Variants in RNF212B observed in about 807,000 individuals in gnomAD.
RNF212B encodes the protein ring finger protein 212B.
RNF212B carries 52 observed loss-of-function variants against 55.5 expected under a neutral mutation model. The ratio of observed to expected loss-of-function variants is 0.94; its 90% CI spans 0.75 to 1.18. The LOEUF (loss-of-function observed/expected upper bound fraction) is 1.18, where lower values mean the gene tolerates loss of function less well. RNF212B is among the 50% of genes most tolerant of loss of function. The pLI is 0.00. For synonymous variants in RNF212B, 99 were observed against 121.4 expected (o/e 0.82, Z 1.21); for missense variants, 289 against 350.4 (o/e 0.82, Z 1.40).
intron 2 of RNF212B, among the ~76,000 whole-genome samples, chr14:23,194,150 T>G (rs1055008106): frequency 9.2e-5 from 14 of 152,024 alleles, no homozygotes; most frequent in African/African-American, 3.4e-4. Flanking sequence ...CCTCATATAC[T>G]ATCACTTAAA....
intron 2 of RNF212B, among the ~76,000 whole-genome samples, chr14:23,209,575 C>A (rs1880272178): frequency 6.6e-6 from 1 of 152,076 alleles, no homozygotes; most frequent in African/African-American, 2.4e-5. Flanking sequence ...GGAGTGGAAA[C>A]AAATCTTTAC....
rs1880859178 is a variant in RNF212B, at chr14:23,214,272, T to C, written c.-2+20871T>C. Among the ~76,000 whole-genome samples the C allele has an allele frequency of 3.3e-5, 5 of 152,108 alleles. No homozygotes were observed. In the South Asian group the frequency reaches 1.0e-3, roughly 31 times the overall value. On this transcript the variant is annotated intron_variant, in intron 2 of 15. Coordinates refer to the RNF212B transcript ENST00000399910. ...ATTTTGGGAGGCCAAGGCAGGTGGA[T>C]CATTTGAGGTCAGGAGTCTGAGACC... is the stretch of plus-strand genomic sequence containing the variant.
intron 4 of RNF212B, among the ~76,000 whole-genome samples, chr14:23,247,154 A>AT (rs1884046767): frequency 6.6e-6 from 1 of 150,722 alleles, no homozygotes; most frequent in Non-Finnish European, 1.5e-5. Context: ...AAAAAAAAAA[A>AT]TTGTTTTCAA....
chr14:23,218,882 C>T (rs936907028), intron 2 of RNF212B, among the ~76,000 whole-genome samples: 1 of 151,858 alleles, frequency 6.6e-6, no homozygotes, highest in African/African-American at 2.4e-5. Flanking sequence ...AGAAGAGTAC[C>T]TCCGGGCATT....
chr14:23,209,547 A>T (rs1880269488), intron 2 of RNF212B, among the ~76,000 whole-genome samples: 2 of 152,208 alleles, frequency 1.3e-5, no homozygotes, highest in Admixed American at 1.3e-4. Context: ...CAAATGATTG[A>T]CTAAAAGACT....
upstream of RNF212B, among the ~76,000 whole-genome samples, chr14:23,236,110 A>T (rs939212571): frequency 6.6e-6 from 1 of 152,240 alleles, no homozygotes; most frequent in Admixed American, 6.5e-5. Flanking sequence ...ATAGGACTCC[A>T]CCAGCTTTCT....
At chr14:23,269,457 G>C (rs970626321) in intron 12 of RNF212B, among the ~76,000 whole-genome samples, 2 of 152,076 alleles carry the variant, frequency 1.3e-5, no homozygotes, top group African/African-American at 4.8e-5. Context: ...ATTTTGGCCC[G>C]GTAGTGGCTC....
At chr14:23,265,404 T>A (rs546404904) in intron 11 of RNF212B, among the ~76,000 whole-genome samples, 5 of 152,364 alleles carry the variant, frequency 3.3e-5, no homozygotes, top group African/African-American at 9.6e-5. Context: ...GTCTGCTTAC[T>A]TAATTTCTTA....
At position 23,238,774 on chromosome 14, in the gene RNF212B, A is replaced by ATCATCATCATCATC. The variant is rs1555316061; in HGVS notation, c.-2+719_-2+720insTCATCATCATCATC. 1.6e-4 allele frequency among the ~76,000 whole-genome samples: 19 copies of ATCATCATCATCATC among 119,648 alleles called. 1 individual carries two copies. The highest frequency in any genetic ancestry group is 4.7e-4 in the East Asian group (2 of 4,264). 78.5% of individuals were successfully genotyped at this position (119,648 alleles called of 152,430 possible). On this transcript the variant is annotated intron_variant, in intron 1 of 14. Coordinates refer to ENST00000430154, the MANE Select transcript of RNF212B (RefSeq NM_001282322.3). ...TAATAATAATAATAATAATAATAAT[A>ATCATCATCATCATC]ATAATAATCCCACAAAGAAACCTTA...
At chr14:23,249,551 C>T (rs942775614) in intron 4 of RNF212B, among the ~76,000 whole-genome samples, 1 of 152,076 alleles carries the variant, frequency 6.6e-6, no homozygotes, top group African/African-American at 2.4e-5. Context: ...AAGAGATACT[C>T]AATGGTGCTT....
intron 3 of RNF212B, 86 bp downstream of exon 3, chr14:23,243,394 T>C: frequency 8.1e-7 from 1 of 1,238,254 alleles, no homozygotes; most frequent in South Asian, 1.4e-5. Flanking sequence ...GATGAATTGT[T>C]TCAAAAAGAA....
chr14:23,210,175 T>C (rs1880341256), intron 2 of RNF212B, among the ~76,000 whole-genome samples: 1 of 151,912 alleles, frequency 6.6e-6, no homozygotes, highest in Admixed American at 6.6e-5. Context: ...AATAAACAAA[T>C]ACCCCTATGA....
chr14:23,267,044 C>T (rs1885755646), intron 11 of RNF212B, among the ~76,000 whole-genome samples: 1 of 152,170 alleles, frequency 6.6e-6, no homozygotes, highest in Non-Finnish European at 1.5e-5. Context: ...TTGTGGCTCA[C>T]TGCAGCCTCC....
At chr14:23,237,775 T>A (rs178767), upstream of RNF212B, among the ~76,000 whole-genome samples, 20 of 152,268 alleles carry the variant, frequency 1.3e-4, no homozygotes, top group African/African-American at 4.1e-4. Flanking sequence ...CTGGGAAAAG[T>A]CTCCTACACC....
At chr14:23,264,035 C>G (rs997116302) in intron 9 of RNF212B, 139 bp from the exon 10 acceptor site, 1 of 610,516 alleles carries the variant, frequency 1.6e-6, no homozygotes, top group African/African-American at 1.8e-5. Context: ...CTGCAGTGAG[C>G]TAAGCTTGTG....
At chr14:23,265,370 T>C (rs1275089746) in intron 11 of RNF212B, among the ~76,000 whole-genome samples, 1 of 152,224 alleles carries the variant, frequency 6.6e-6, no homozygotes, top group African/African-American at 2.4e-5. Context: ...AACATAAAAA[T>C]ATTCCAGTGA....
chr14:23,223,535 T>G (rs573971991), intron 2 of RNF212B, among the ~76,000 whole-genome samples: 1 of 152,190 alleles, frequency 6.6e-6, no homozygotes, highest in East Asian at 1.9e-4. Flanking sequence ...TTTTGTATTT[T>G]TAGTAGAGAC....
intron 1 of RNF212B, chr14:23,188,205 A>T (rs1402842947): frequency 1.3e-5 from 2 of 152,200 alleles, no homozygotes; most frequent in African/African-American, 4.8e-5. Flanking sequence ...CAAAAATTCC[A>T]ACAGATTACT....
intron 4 of RNF212B, among the ~76,000 whole-genome samples, chr14:23,245,561 A>G (rs927034377): frequency 2.0e-5 from 3 of 152,208 alleles, no homozygotes; most frequent in African/African-American, 7.2e-5. Context: ...TCAGTTAATC[A>G]TCACTTTAGT....
Sources: gnomAD v4.1 joint callset for allele counts (sites outside exome capture counted in the v4.1 genomes callset) on GRCh38, gnomAD v4.1.1 for gene constraint, MANE v1.5 for transcripts, NCBI Gene and HGNC (gene_info 2026-07-23, HGNC 2026-07-21) for gene names.